JAK2: variants seen among roughly 807,000 people sequenced by gnomAD.
JAK2 encodes the protein Janus kinase 2, also known as tyrosine-protein kinase JAK2.
In JAK2, 86 loss-of-function variants were observed where a neutral mutation model predicts 139.3. That is an observed-to-expected ratio of 0.62 (90% CI 0.52 to 0.74). The LOEUF is 0.74. JAK2 is among the 30% of genes least tolerant of loss of function. The pLI is 0.00. For synonymous variants in JAK2, 490 were observed against 437.7 expected (o/e 1.12, Z -1.49); for missense variants, 1,421 against 1,360.3 (o/e 1.04, Z -0.70).
At chr9:5,037,982 A>G (rs1250022324) in intron 4 of JAK2, among the ~76,000 whole-genome samples, 1 of 152,230 alleles carries the variant, frequency 6.6e-6, no homozygotes, top group Non-Finnish European at 1.5e-5. Flanking sequence ...ATGTACATGA[A>G]TATATAGCGT....
At chr9:5,100,238 G>A (rs1174202710) in intron 22 of JAK2, 4 of 152,004 alleles carry the variant, frequency 2.6e-5, no homozygotes, top group Admixed American at 6.6e-5. Flanking sequence ...AACACATAAT[G>A]ACCCACCAAA....
chr9:5,070,090 T>G, intron 12 of JAK2, 38 bp downstream of exon 12: 1 of 1,452,056 alleles, frequency 6.9e-7, no homozygotes, highest in Non-Finnish European at 9.4e-7. Context: ...TTTTTTGTCC[T>G]TTTAAAACAA....
intron 2 of JAK2, among the ~76,000 whole-genome samples, chr9:5,007,326 G>A (rs531037244): frequency 6.6e-6 from 1 of 152,040 alleles, no homozygotes; most frequent in African/African-American, 2.4e-5. Flanking sequence ...GTTATTCTTT[G>A]TACCATGGGT....
chr9:5,040,226 G>A (rs894387043), intron 4 of JAK2, among the ~76,000 whole-genome samples: 3 of 152,018 alleles, frequency 2.0e-5, no homozygotes, highest in Non-Finnish European at 2.9e-5. Flanking sequence ...TAAACTAACA[G>A]TGCGGGGACA....
intron 2 of JAK2, among the ~76,000 whole-genome samples, chr9:4,999,191 T>C (rs1336631731): frequency 2.0e-5 from 3 of 152,210 alleles, no homozygotes; most frequent in Admixed American, 2.0e-4. Flanking sequence ...GGTAAAATGA[T>C]TACATTTGAC....
At chr9:5,061,817 C>T (rs1388873240) in intron 8 of JAK2, among the ~76,000 whole-genome samples, 4 of 152,158 alleles carry the variant, frequency 2.6e-5, no homozygotes, top group Non-Finnish European at 4.4e-5. Context: ...ATGCCTTCCT[C>T]ACTAAGCTTA....
At chr9:5,116,151 C>T (rs1823154062) in intron 22 of JAK2, among the ~76,000 whole-genome samples, 2 of 151,962 alleles carry the variant, frequency 1.3e-5, no homozygotes, top group South Asian at 2.1e-4. Flanking sequence ...CATAACAACC[C>T]TTGGAGAACA....
At chr9:5,050,417 T>TATA (rs1396338625) in intron 5 of JAK2, among the ~76,000 whole-genome samples, 7 of 152,108 alleles carry the variant, frequency 4.6e-5, no homozygotes, top group African/African-American at 1.2e-4. Context: ...ACTGCAGGTA[T>TATA]GTGCCACCAT....
intron 22 of JAK2, among the ~76,000 whole-genome samples, chr9:5,120,260 T>A (rs1462131734): frequency 1.3e-5 from 2 of 152,220 alleles, no homozygotes; most frequent in African/African-American, 4.8e-5. Flanking sequence ...TTAATCCTAT[T>A]CATGAGGGAG....
intron 2 of JAK2, among the ~76,000 whole-genome samples, chr9:5,017,578 TG>T (rs1033993552): frequency 4.6e-5 from 7 of 152,220 alleles, no homozygotes; most frequent in African/African-American, 1.7e-4. Flanking sequence ...AATGTAATGT[TG>T]TTTGACATCT....
At chr9:5,041,690 C>G (rs72699590) in intron 4 of JAK2, 151,702 of 506,098 alleles carry the variant, frequency 0.3, 23,973 homozygotes, top group African/African-American at 0.47. Context: ...TCGACCGAAG[C>G]GGCTTCGTGT....
chr9:5,081,694 T>C, intron 18 of JAK2, 31 bp from the exon 19 acceptor site: 3 of 1,506,034 alleles, frequency 2.0e-6, no homozygotes, highest in Non-Finnish European at 2.8e-6. Context: ...TATTTGCTAA[T>C]TTAAGGTGAT....
At chr9:5,033,810 G>T (rs747050238) in intron 4 of JAK2, among the ~76,000 whole-genome samples, 9 of 152,128 alleles carry the variant, frequency 5.9e-5, no homozygotes, top group Non-Finnish European at 1.0e-4. Context: ...AGACCATCGA[G>T]GCTAGGAAGA....
chr9:5,066,837 A>G lies in JAK2; in HGVS notation c.1326+48A>G, dbSNP rs201949969. ...TGGTAACACTTTATTTAGTTCATTTAATTTCCTCTCCATATTTATTTACCA... is the reference window on the plus strand; with the variant it reads ...TGGTAACACTTTATTTAGTTCATTTGATTTCCTCTCCATATTTATTTACCA... On this transcript the variant is annotated intron_variant, in intron 10 of 24. Coordinates refer to ENST00000381652, the MANE Select transcript of JAK2 (RefSeq NM_004972.4). 5.2e-6 allele frequency: 4 copies of G among 774,812 alleles called. No individual in the cohort carries two copies. The East Asian group carries it at 1.2e-4, about 22-fold the overall frequency. The allele number at this position is 774,812 out of a possible 1,614,324, so 48.0% of individuals were successfully genotyped here. A position where few individuals can be genotyped will look rare whatever the true frequency, so the allele number is the denominator to read the frequency against.
intron 18 of JAK2, among the ~76,000 whole-genome samples, chr9:5,080,892 CTTTTTTTTT>C (rs33925764): frequency 1.0e-5 from 1 of 95,614 alleles, no homozygotes; most frequent in Non-Finnish European, 1.9e-5. Context: ...AAGACCTTTT[CTTTTTTTTT>C]TTTTTTTTTT....
At chr9:5,096,252 A>G (rs373049549) in intron 22 of JAK2, among the ~76,000 whole-genome samples, 1 of 152,178 alleles carries the variant, frequency 6.6e-6, no homozygotes, top group African/African-American at 2.4e-5. Flanking sequence ...CACTGATTCT[A>G]GTTATAACTT....
At chr9:5,037,772 G>C (rs920324747) in intron 4 of JAK2, among the ~76,000 whole-genome samples, 1 of 152,024 alleles carries the variant, frequency 6.6e-6, no homozygotes, top group African/African-American at 2.4e-5. Flanking sequence ...CGAGTTACTG[G>C]GTGCAGCACA....
chr9:5,123,091 A>C lies in JAK2; in HGVS notation c.3147A>C (p.Thr1049=). 1.9e-6 allele frequency: 3 copies of C among 1,609,612 alleles called. No homozygotes were observed. The highest frequency in any genetic ancestry group is 2.5e-6 in the Non-Finnish European group (3 of 1,177,492). Reference sequence around the variant, plus strand: ...GAGTGGTTCTGTATGAACTTTTCACATACATTGAGAAGAGTAAAAGTCCAC... The same window carrying C: ...GAGTGGTTCTGTATGAACTTTTCACCTACATTGAGAAGAGTAAAAGTCCAC... ...SFGVVLYELF[T]YIEKSKSPPA... The change falls in exon 23 of 25, where the codon ACA becomes ACC. Residue 1049 remains threonine (T), a synonymous_variant. Coordinates refer to ENST00000381652, the MANE Select transcript of JAK2 (RefSeq NM_004972.4).
intron 4 of JAK2, among the ~76,000 whole-genome samples, chr9:5,039,946 G>T (rs1816360516): frequency 6.6e-6 from 1 of 152,108 alleles, no homozygotes; most frequent in Non-Finnish European, 1.5e-5. Flanking sequence ...CTTTATTGCA[G>T]AAATTGACAG....
Sources: allele counts gnomAD v4.1 joint callset (sites outside exome capture counted in the v4.1 genomes callset), GRCh38; gene constraint gnomAD v4.1.1; transcripts MANE v1.5; gene names NCBI Gene and HGNC (gene_info 2026-07-23, HGNC 2026-07-21).